Variants in ZC3H12C observed in about 807,000 individuals in gnomAD.
The protein encoded by ZC3H12C is zinc finger CCCH-type containing 12C.
A neutral mutation model predicts 76.3 loss-of-function variants in ZC3H12C; 20 were observed. The observed-to-expected ratio is 0.26, with a 90% confidence interval of 0.18 to 0.38. The LOEUF (loss-of-function observed/expected upper bound fraction) is 0.38. Ranked by LOEUF, ZC3H12C falls within the 10% of genes least tolerant of loss-of-function variation. The pLI is 1.00. For synonymous variants in ZC3H12C, 352 were observed against 399.6 expected, an observed-to-expected ratio of 0.88 and a Z score of 1.42; for missense variants, 874 against 1,086.5, an observed-to-expected ratio of 0.80 and a Z score of 2.75.
At chr11:110,155,668 T>C (rs1862363994) in intron 3 of ZC3H12C, among the ~76,000 whole-genome samples, 1 of 152,174 alleles carries the variant, frequency 6.6e-6, no homozygotes, top group Admixed American at 6.5e-5. Flanking sequence ...AAAAGGCAGA[T>C]TTTATTTTTG....
intron 1 of ZC3H12C, among the ~76,000 whole-genome samples, chr11:110,099,254 T>G (rs1220006605): frequency 6.6e-6 from 1 of 152,190 alleles, no homozygotes; most frequent in Non-Finnish European, 1.5e-5. Context: ...GAAATAGTGA[T>G]AAAACAGAAT....
At chr11:110,117,057 C>G (rs1258768213) in intron 1 of ZC3H12C, among the ~76,000 whole-genome samples, 1 of 152,194 alleles carries the variant, frequency 6.6e-6, no homozygotes, top group African/African-American at 2.4e-5. Context: ...ACAAGTGGTC[C>G]AGTCTAGCCT....
Position 110,093,419 on chromosome 11 carries a change from G to C in ZC3H12C, c.8G>C (p.Gly3Ala), listed in dbSNP as rs1199790581. The change falls in exon 1 of 6, where the codon GGT becomes GCT. Residue 3 changes from glycine (G) to alanine (A), a missense_variant. This residue lies in a region of ZC3H12C where 210 missense variants were observed against 227.1 expected (regional missense o/e 0.92). Coordinates refer to ENST00000278590, the MANE Select transcript of ZC3H12C (RefSeq NM_033390.2). MP[G>A]GGSQEYGVLC... is the part of the protein sequence containing the mutation. The stretch of plus-strand genomic sequence containing the variant: ...TTTCTCGCGGGGCTGGCTATGCCGG[G>C]TGGCGGCTCCCAGGTTTGTCCTCGG... 2.5e-6 allele frequency: 3 copies of C among 1,203,464 alleles called. No individual in the cohort carries two copies. The highest frequency in any genetic ancestry group is 3.2e-5 in the African/African-American group (2 of 62,620). The allele number at this position is 1,203,464 out of a possible 1,614,324, so 74.5% of individuals were successfully genotyped here. A position where few individuals can be genotyped will look rare whatever the true frequency, so the allele number is the denominator to read the frequency against.
Position 110,119,260 on chromosome 11 carries a change from A to G in ZC3H12C, c.22-17403A>G, listed in dbSNP as rs577703043. On this transcript the variant is annotated intron_variant, in intron 1 of 5. Coordinates refer to ENST00000278590, the MANE Select transcript of ZC3H12C (RefSeq NM_033390.2). Reference sequence around the variant, plus strand: ...TCTCAAAACCCTTCAGCAGTTTCCCATCTCAATATAAAAGCCAGTTCCTTC... The same window carrying G: ...TCTCAAAACCCTTCAGCAGTTTCCCGTCTCAATATAAAAGCCAGTTCCTTC... Among the ~76,000 whole-genome samples, 31 of 152,310 alleles carry G rather than the reference A, an allele frequency of 2.0e-4. No individual in the cohort carries two copies. The South Asian group carries it at 3.7e-3, about 18-fold the overall frequency.
chr11:110,150,679 G>A (rs1263548817), intron 2 of ZC3H12C, among the ~76,000 whole-genome samples: 1 of 151,962 alleles, frequency 6.6e-6, no homozygotes, highest in Non-Finnish European at 1.5e-5. Context: ...ATGTCCATTA[G>A]ATCAAGCTTG....
chr11:110,095,824 A>C (rs570820574), intron 1 of ZC3H12C, among the ~76,000 whole-genome samples: 2 of 152,318 alleles, frequency 1.3e-5, no homozygotes, highest in East Asian at 3.9e-4. Flanking sequence ...TATGTGGCGC[A>C]TGGGGCAGAT....
At position 110,169,342 on chromosome 11, in the gene ZC3H12C, GTGTGTGT is replaced by G. The variant is rs1862635365; in HGVS notation, c.*3606_*3612del. 5.2e-5 allele frequency: 1 copy of G among 19,264 alleles called. No homozygotes were observed. Among genetic ancestry groups the G allele is most frequent in the African/African-American group, 1.7e-4 (1 of 5,740 alleles). The allele number at this position is 19,264 out of a possible 1,614,324, so 1.2% of individuals were successfully genotyped here. ...GACAGGTGGGAGGATGGCTCTGGGT[GTGTGTGT>G]GTGTGTGTGTGTGTGTGTGTGTGTG... On this transcript the variant is annotated 3_prime_UTR_variant, in exon 6 of 6. Transcript: ENST00000278590.
At position 110,165,430 on chromosome 11, in the gene ZC3H12C, A is replaced by C. The variant is rs368853887; in HGVS notation, c.2345A>C (p.Tyr782Ser). Residue 782 changes from tyrosine to serine, a missense_variant, in exon 6 of 6, where the codon TAT (tyrosine) becomes TCT (serine). Physicochemically the swap from Tyr to Ser is moderately radical, Grantham distance 144. Around this residue, in one of 3 missense-constraint regions of ZC3H12C, gnomAD observed 395 missense variants for 434.4 expected, o/e 0.91. Coordinates refer to ENST00000278590, the MANE Select transcript of ZC3H12C (RefSeq NM_033390.2). ...EGLGSWERPG[Y>S]GIDAYGYRQT... ...CTGGGAAGCTGGGAGAGGCCAGGCT[A>C]TGGGATCGACGCCTATGGGTACCGG... is the stretch of plus-strand genomic sequence containing the variant. 3.7e-6 allele frequency: 6 copies of C among 1,613,916 alleles called. No homozygotes were observed. Among genetic ancestry groups the C allele is most frequent in the Non-Finnish European group, 5.1e-6 (6 of 1,179,900 alleles).
chr11:110,117,295 A>G (rs111543973), intron 1 of ZC3H12C, among the ~76,000 whole-genome samples: 42 of 152,326 alleles, frequency 2.8e-4, no homozygotes, highest in African/African-American at 7.7e-4. Context: ...TGGCTAATCT[A>G]TTAGTATAAT....
At chr11:110,149,552 T>C in intron 2 of ZC3H12C, among the ~76,000 whole-genome samples, 1 of 152,264 alleles carries the variant, frequency 6.6e-6, no homozygotes, top group East Asian at 1.9e-4. Context: ...TCACACATTC[T>C]TGGCAACATC....
intron 2 of ZC3H12C, among the ~76,000 whole-genome samples, chr11:110,147,777 C>T (rs1460850642): frequency 1.3e-5 from 2 of 152,152 alleles, no homozygotes; most frequent in Non-Finnish European, 2.9e-5. Context: ...AATTCTAGGA[C>T]AGTCTGTTAT....
At chr11:110,145,366 C>T (rs1265613670) in intron 2 of ZC3H12C, among the ~76,000 whole-genome samples, 2 of 152,022 alleles carry the variant, frequency 1.3e-5, no homozygotes, top group Non-Finnish European at 2.9e-5. Context: ...TAGTGAAAGC[C>T]TTATGAAGAA....
At chr11:110,144,397 T>C (rs1228209807) in intron 2 of ZC3H12C, among the ~76,000 whole-genome samples, 1 of 152,236 alleles carries the variant, frequency 6.6e-6, no homozygotes, top group African/African-American at 2.4e-5. Flanking sequence ...ATTTTCATTT[T>C]AAAGATGAGA....
At chr11:110,114,909 A>C (rs1435524145) in intron 1 of ZC3H12C, among the ~76,000 whole-genome samples, 2 of 152,198 alleles carry the variant, frequency 1.3e-5, no homozygotes, top group African/African-American at 2.4e-5. Context: ...AAGCTAACTG[A>C]AAAGTGTAGC....
chr11:110,105,468 G>A (rs1861305517), intron 1 of ZC3H12C, among the ~76,000 whole-genome samples: 1 of 152,118 alleles, frequency 6.6e-6, no homozygotes, highest in Admixed American at 6.5e-5. Flanking sequence ...AGTTTCAAAT[G>A]GGGGAAGTGT....
chr11:110,163,124 C>CT, intron 4 of ZC3H12C, 149 bp from the exon 5 acceptor site: 2 of 582,118 alleles, frequency 3.4e-6, no homozygotes, highest in Non-Finnish European at 3.0e-6. Flanking sequence ...TTACTGATTT[C>CT]TTTTTTACTC....
At chr11:110,163,179 A>G (rs1167273452) in intron 4 of ZC3H12C, 94 bp from the exon 5 acceptor site, 19 of 1,098,862 alleles carry the variant, frequency 1.7e-5, no homozygotes, top group Non-Finnish European at 2.3e-5. Context: ...TGCAAAAAAA[A>G]TTCCTTATAG....
chr11:110,101,803 C>T (rs1861221784), intron 1 of ZC3H12C, among the ~76,000 whole-genome samples: 1 of 151,914 alleles, frequency 6.6e-6, no homozygotes, highest in Non-Finnish European at 1.5e-5. Context: ...CCACTTTGGC[C>T]TCCCAAAGTG....
At chr11:110,094,266 A>C (rs1861073185) in intron 1 of ZC3H12C, among the ~76,000 whole-genome samples, 1 of 151,854 alleles carries the variant, frequency 6.6e-6, no homozygotes. Flanking sequence ...CAGATTTAGG[A>C]AAAGTTTTCC....
Sources: gnomAD v4.1 joint callset for allele counts (sites outside exome capture counted in the v4.1 genomes callset) on GRCh38, gnomAD v4.1.1 for gene constraint, gnomAD v4.1.1 regional missense constraint, MANE v1.5 for transcripts, NCBI Gene and HGNC (gene_info 2026-07-23, HGNC 2026-07-21) for gene names.